PRIM2: variants seen among roughly 807,000 people sequenced by gnomAD.
PRIM2 encodes the protein DNA primase subunit 2.
In PRIM2, 39 loss-of-function variants were observed where a neutral mutation model predicts 67.3. The observed-to-expected ratio is 0.58, with a 90% CI of 0.45 to 0.76. The LOEUF is 0.76. PRIM2 is among the 30% of genes least tolerant of loss of function. The pLI, the probability that PRIM2 is intolerant of heterozygous loss-of-function variation, is 0.00. For synonymous variants in PRIM2, 143 were observed against 198.7 expected (o/e 0.72, Z 2.36); for missense variants, 398 against 598.7 (o/e 0.66, Z 3.50).
intron 8 of PRIM2, among the ~76,000 whole-genome samples, chr6:57,525,387 C>CT (rs1173390274): frequency 1.3e-5 from 2 of 152,146 alleles, no homozygotes; most frequent in Non-Finnish European, 2.9e-5. Flanking sequence ...AGGCCTTTGA[C>CT]TTTTTTTGTG....
At chr6:57,345,980 G>T (rs1248396889) in intron 5 of PRIM2, among the ~76,000 whole-genome samples, 2 of 152,210 alleles carry the variant, frequency 1.3e-5, no homozygotes, top group South Asian at 4.1e-4. Context: ...GCATGCTAAT[G>T]GATTATAATT....
At chr6:57,571,594 G>T (rs1281446973) in intron 10 of PRIM2, among the ~76,000 whole-genome samples, 4 of 152,128 alleles carry the variant, frequency 2.6e-5, no homozygotes, top group Admixed American at 6.5e-5. Context: ...AGGTTGCAGT[G>T]AGCCGAGATA....
At chr6:57,454,666 C>T (rs1772693999) in intron 7 of PRIM2, among the ~76,000 whole-genome samples, 1 of 151,716 alleles carries the variant, frequency 6.6e-6, no homozygotes, top group East Asian at 1.9e-4. Context: ...CTATTTGATT[C>T]TTCTCTCTTT....
intron 5 of PRIM2, among the ~76,000 whole-genome samples, chr6:57,358,423 G>C (rs374274558): frequency 6.6e-6 from 1 of 152,336 alleles, no homozygotes; most frequent in South Asian, 2.1e-4. Context: ...GATTCAGTGT[G>C]TGGTGTATCT....
chr6:57,341,796 G>T (rs1188330022), intron 5 of PRIM2, among the ~76,000 whole-genome samples: 1 of 152,206 alleles, frequency 6.6e-6, no homozygotes, highest in African/African-American at 2.4e-5. Flanking sequence ...GCCTAAGTCA[G>T]GTGCTGCTGC....
chr6:57,641,932 G>A (rs1462251047), intron 13 of PRIM2, among the ~76,000 whole-genome samples: 4 of 152,110 alleles, frequency 2.6e-5, no homozygotes, highest in East Asian at 1.9e-4. Flanking sequence ...ACATGCACAC[G>A]TATGTTTATT....
At chr6:57,469,413 C>T (rs1250540501) in intron 7 of PRIM2, among the ~76,000 whole-genome samples, 3 of 152,172 alleles carry the variant, frequency 2.0e-5, no homozygotes, top group African/African-American at 7.2e-5. Flanking sequence ...ACAATGAGAA[C>T]AGACAGTGAC....
chr6:57,457,946 C>T (rs1361237319), intron 7 of PRIM2, among the ~76,000 whole-genome samples: 4 of 152,212 alleles, frequency 2.6e-5, no homozygotes, highest in Admixed American at 6.5e-5. Flanking sequence ...TCTTACTTTG[C>T]CTCTGTCTTT....
chr6:57,386,933 T>G (rs2127343923), intron 7 of PRIM2, among the ~76,000 whole-genome samples: 1 of 152,312 alleles, frequency 6.6e-6, no homozygotes, highest in Non-Finnish European at 1.5e-5. Context: ...ATGAGAGTTT[T>G]ACCCCAGGTG....
chr6:57,247,179 G>A, the PRIM2 span, among the ~76,000 whole-genome samples: 9 of 152,240 alleles, frequency 5.9e-5, no homozygotes, highest in East Asian at 1.5e-3. Context: ...TTGATTGCCT[G>A]CACCTAGAGT....
At chr6:57,240,097 T>TTTTTTG in the PRIM2 span, among the ~76,000 whole-genome samples, 4,721 of 19,726 alleles carry the variant, frequency 0.24, 166 homozygotes, top group East Asian at 0.49. Flanking sequence ...ATCTGTTTTT[T>TTTTTTG]TTTTTTTTTT....
At chr6:57,640,858 C>G (rs1464133825) in intron 13 of PRIM2, among the ~76,000 whole-genome samples, 1 of 151,824 alleles carries the variant, frequency 6.6e-6, no homozygotes, top group East Asian at 1.9e-4. Flanking sequence ...TGACTTTCTG[C>G]GCAGAATTAG....
chr6:57,283,942 T>G, the PRIM2 span, among the ~76,000 whole-genome samples: 1 of 152,124 alleles, frequency 6.6e-6, no homozygotes, highest in Non-Finnish European at 1.5e-5. Context: ...GTAGGGTGAT[T>G]ATTTAATTAA....
At chr6:57,485,236 C>T (rs1773727456) in intron 7 of PRIM2, among the ~76,000 whole-genome samples, 1 of 151,868 alleles carries the variant, frequency 6.6e-6, no homozygotes, top group African/African-American at 2.4e-5. Context: ...CAGCTTGACC[C>T]AAATTGAACT....
chr6:57,522,901 C>T (rs1441260288), intron 8 of PRIM2, among the ~76,000 whole-genome samples: 3 of 152,098 alleles, frequency 2.0e-5, no homozygotes, highest in African/African-American at 7.2e-5. Context: ...TTGGACACTT[C>T]CTAAAAATGT....
chr6:57,346,123 C>T (rs930104854), intron 5 of PRIM2, among the ~76,000 whole-genome samples: 2 of 152,084 alleles, frequency 1.3e-5, no homozygotes, highest in African/African-American at 4.8e-5. Context: ...CTTGTCATAG[C>T]CAGTCTTGCT....
At chr6:57,360,926 T>C (rs1769176158) in intron 5 of PRIM2, among the ~76,000 whole-genome samples, 1 of 152,170 alleles carries the variant, frequency 6.6e-6, no homozygotes, top group Non-Finnish European at 1.5e-5. Context: ...CTAAAATGAA[T>C]GAACTGAGTG....
chr6:57,301,688 A>C, the PRIM2 span, among the ~76,000 whole-genome samples: 1 of 152,148 alleles, frequency 6.6e-6, no homozygotes, highest in Non-Finnish European at 1.5e-5. Flanking sequence ...ATGGTGGTGC[A>C]TGCCTGTAAT....
At chr6:57,393,230 C>T (rs1166584069) in intron 7 of PRIM2, among the ~76,000 whole-genome samples, 1 of 152,100 alleles carries the variant, frequency 6.6e-6, no homozygotes, top group Non-Finnish European at 1.5e-5. Flanking sequence ...AAGGAATCTC[C>T]ACACTGTTTT....
Sources: gnomAD v4.1 joint callset for allele counts (sites outside exome capture counted in the v4.1 genomes callset) on GRCh38, gnomAD v4.1.1 for gene constraint, MANE v1.5 for transcripts, NCBI Gene and HGNC (gene_info 2026-07-23, HGNC 2026-07-21) for gene names.